PCDHGB2: variants seen among roughly 807,000 people sequenced by gnomAD.
PCDHGB2 encodes protocadherin gamma-B2.
In PCDHGB2, 55 loss-of-function variants were observed where a neutral mutation model predicts 59.3. The ratio of observed to expected loss-of-function variants is 0.93; its 90% confidence interval spans 0.75 to 1.16. The LOEUF is 1.16. PCDHGB2 is among the 50% of genes most tolerant of loss of function. The probability of loss-of-function intolerance (pLI) is 0.00; values close to 1 mark genes in which losing one functional copy is unlikely to be tolerated. For missense variants in PCDHGB2, 1,228 were observed against 1,198.5 expected, an observed-to-expected ratio of 1.02 and a Z score of -0.36; for synonymous variants, 516 against 512.0, an observed-to-expected ratio of 1.01 and a Z score of -0.11.
chr5:141,440,393 G>A (rs1444541990), intron 1 of PCDHGB2: 1 of 152,180 alleles, frequency 6.6e-6, no homozygotes, highest in Admixed American at 6.5e-5. Flanking sequence ...TTGAACCCGA[G>A]AGGCAATCGC....
At chr5:141,482,530 C>CAAAAAA (rs3074545) in intron 1 of PCDHGB2, among the ~76,000 whole-genome samples, 68 of 76,370 alleles carry the variant, frequency 8.9e-4, no homozygotes, top group African/African-American at 1.2e-3. Context: ...GACAGACATG[C>CAAAAAA]AAAAAAAAAA....
chr5:141,470,577 C>T (rs75062402), intron 1 of PCDHGB2, among the ~76,000 whole-genome samples: 8,307 of 152,270 alleles, frequency 0.055, 479 homozygotes, highest in African/African-American at 0.15. Flanking sequence ...GCAGGATCAA[C>T]TTCATAGGCA....
intron 1 of PCDHGB2, chr5:141,366,385 G>A: frequency 3.1e-6 from 5 of 1,614,150 alleles, no homozygotes; most frequent in Non-Finnish European, 4.2e-6. Flanking sequence ...TTGACCCTGA[G>A]GATCTGGACC....
At chr5:141,410,335 T>C (rs2095381391) in intron 1 of PCDHGB2, 1 of 1,613,894 alleles carries the variant, frequency 6.2e-7, no homozygotes, top group African/African-American at 1.3e-5. Context: ...TTCTGGCCAT[T>C]GCCTTGCGCC....
rs11952292 is a variant in PCDHGB2 at position 141,491,682 on chromosome 5, G to T, written c.2422-3125G>T. The T allele has an allele frequency of 0.072, 115,891 of 1,613,112 alleles. 4,572 individuals carry two copies. The highest frequency in any genetic ancestry group is 0.11 in the South Asian group (9,996 of 91,042). ...ACGCCATCCGGTCCCGCTCTAATAC[G>T]CTGCGGGAGCGGAGCCAGGTGAGGG... On this transcript the variant is annotated intron_variant, in intron 1 of 3. Coordinates refer to ENST00000522605, the MANE Select transcript of PCDHGB2 (RefSeq NM_018923.3). The surrounding 1 kb of genome is among the most constrained non-coding windows in gnomAD (Gnocchi z 6.9).
intron 1 of PCDHGB2, chr5:141,376,543 T>C: frequency 1.2e-6 from 2 of 1,613,014 alleles, no homozygotes. Flanking sequence ...AAGAGTAATC[T>C]GATCTTCCCG....
intron 1 of PCDHGB2, chr5:141,365,169 CTT>C: frequency 1.2e-6 from 2 of 1,613,926 alleles, no homozygotes; most frequent in South Asian, 2.2e-5. Flanking sequence ...TTGACCTACT[CTT>C]TTCGCAATGA....
Position 141,432,403 on chromosome 5 carries a change from G to A in PCDHGB2, c.2422-62404G>A, listed in dbSNP as rs1279890312. The A allele has an allele frequency of 6.2e-7, 1 of 1,614,242 alleles. No homozygotes were observed. The highest frequency in any genetic ancestry group is 8.5e-7 in the Non-Finnish European group (1 of 1,180,052). On this transcript the variant is annotated intron_variant, in intron 1 of 3. Coordinates refer to ENST00000522605, the MANE Select transcript of PCDHGB2 (RefSeq NM_018923.3). The surrounding 1 kb of genome is among the most constrained non-coding windows in gnomAD (Gnocchi z 6.0). ...CGCCCCTCAGCAGCAACGTGTCGTT[G>A]AGCCTGTTCGTGCTGGACCAGAACG...
At chr5:141,506,226 G>A (rs1248069119) in intron 3 of PCDHGB2, among the ~76,000 whole-genome samples, 3 of 152,152 alleles carry the variant, frequency 2.0e-5, no homozygotes, top group Non-Finnish European at 1.5e-5. Flanking sequence ...TGAGGCAGGA[G>A]GATCATGAGG....
At chr5:141,384,107 G>T in intron 1 of PCDHGB2, 3 of 1,602,850 alleles carry the variant, frequency 1.9e-6, no homozygotes, top group Non-Finnish European at 2.6e-6. Context: ...AATTATTATA[G>T]ATTGGTCACA....
At chr5:141,401,935 T>C (rs1026278615) in intron 1 of PCDHGB2, among the ~76,000 whole-genome samples, 4 of 152,240 alleles carry the variant, frequency 2.6e-5, no homozygotes, top group African/African-American at 9.6e-5. Flanking sequence ...CTTAGAATAA[T>C]GTTTAAGACC....
intron 1 of PCDHGB2, chr5:141,395,250 C>A: frequency 6.4e-7 from 1 of 1,558,318 alleles, no homozygotes. Context: ...GAGTTTAGTT[C>A]TTTGCTTGCT....
At chr5:141,409,200 T>A in intron 1 of PCDHGB2, 1 of 1,614,020 alleles carries the variant, frequency 6.2e-7, no homozygotes, top group Non-Finnish European at 8.5e-7. Flanking sequence ...CAGTGTAAAG[T>A]AATCATAGAA....
In PCDHGB2 at chr5:141,360,085, C is replaced by T. The variant is rs1314618060; in HGVS notation, c.-51C>T. ...GTGACCTTAGCCCGGATTCTGCCAT[C>T]CCCGGAAGGCTTATTCCTCCTATGG... On this transcript the variant is annotated 5_prime_UTR_variant, in exon 1 of 4. Coordinates refer to ENST00000522605, the MANE Select transcript of PCDHGB2 (RefSeq NM_018923.3). 3.3e-6 allele frequency: 5 copies of T among 1,492,600 alleles called. No individual in the cohort carries two copies. The African/African-American group carries it at 5.7e-5, about 17-fold the overall frequency. The allele number at this position is 1,492,600 out of a possible 1,614,324, so 92.5% of individuals were successfully genotyped here.
At chr5:141,419,936 G>C in intron 1 of PCDHGB2, 1 of 1,614,074 alleles carries the variant, frequency 6.2e-7, no homozygotes, top group Non-Finnish European at 8.5e-7. Context: ...GTTTTACCTG[G>C]TGGTGGCCTT....
chr5:141,499,408 G>C (rs1178843162), intron 2 of PCDHGB2, among the ~76,000 whole-genome samples: 1 of 151,896 alleles, frequency 6.6e-6, no homozygotes, highest in Non-Finnish European at 1.5e-5. Context: ...GCTCATTATA[G>C]AAACATGAAA....
At chr5:141,395,522 A>T in intron 1 of PCDHGB2, 1 of 398,214 alleles carries the variant, frequency 2.5e-6, no homozygotes. Flanking sequence ...ACCCGTCCAT[A>T]CTGGTAATTT....
At chr5:141,382,022 T>C (rs1330641881) in intron 1 of PCDHGB2, among the ~76,000 whole-genome samples, 1 of 151,530 alleles carries the variant, frequency 6.6e-6, no homozygotes, top group Non-Finnish European at 1.5e-5. Context: ...AGAGACGGGG[T>C]TTCTCCATGT....
chr5:141,381,988 C>A (rs1777837622), intron 1 of PCDHGB2, among the ~76,000 whole-genome samples: 1 of 151,770 alleles, frequency 6.6e-6, no homozygotes, highest in South Asian at 2.1e-4. Flanking sequence ...CGCCACCACG[C>A]CCGGATAATT....
Sources: gnomAD v4.1 joint callset for allele counts (sites outside exome capture counted in the v4.1 genomes callset) on GRCh38, gnomAD v4.1.1 for gene constraint, Gnocchi (gnomAD v3.1) non-coding constraint, MANE v1.5 for transcripts, NCBI Gene and HGNC (gene_info 2026-07-23, HGNC 2026-07-21) for gene names.